Variants in NSG2 observed in about 807,000 individuals in gnomAD.
NSG2 encodes the protein neuronal vesicle trafficking-associated protein 2.
A neutral mutation model predicts 16.9 loss-of-function variants in NSG2; 4 were observed. That is an observed-to-expected ratio of 0.24 (90% CI 0.12 to 0.54). The LOEUF is 0.54. Among genes scored for constraint, NSG2 ranks in the 20% least tolerant of loss-of-function variants. The probability of loss-of-function intolerance (pLI) is 0.95; values close to 1 mark genes in which losing one functional copy is unlikely to be tolerated. For synonymous variants in NSG2, 98 were observed against 88.7 expected (o/e 1.11, Z -0.59); for missense variants, 179 against 221.1 (o/e 0.81, Z 1.21).
In NSG2 at chr5:174,072,648, T is replaced by C. The variant is rs530461204; in HGVS notation, c.213+8333T>C. 4.6e-5 allele frequency among the ~76,000 whole-genome samples: 7 copies of C among 152,334 alleles called. No homozygotes were observed. The highest frequency in any genetic ancestry group is 1.7e-4 in the African/African-American group (7 of 41,584). ...TACCCTTCTCTGTACCCTAAGAAGC[T>C]AGCCAGCACCTGGCCGGATGAAGCA... On this transcript the variant is annotated intron_variant, in intron 3 of 4. Transcript: ENST00000303177. The surrounding 1 kb of genome is among the most constrained non-coding windows in gnomAD (Gnocchi z 4.0).
At chr5:174,083,406 C>G (rs1760529206) in intron 3 of NSG2, among the ~76,000 whole-genome samples, 2 of 152,196 alleles carry the variant, frequency 1.3e-5, no homozygotes, top group African/African-American at 4.8e-5. Context: ...CCAGGAAAAT[C>G]AATTGTGTTT....
At chr5:174,092,630 A>G (rs1041458662) in intron 3 of NSG2, among the ~76,000 whole-genome samples, 1 of 152,236 alleles carries the variant, frequency 6.6e-6, no homozygotes, top group African/African-American at 2.4e-5. Flanking sequence ...AACAATGACA[A>G]CAAGAAGCAT....
chr5:174,080,810 G>A (rs1272888147), intron 3 of NSG2, among the ~76,000 whole-genome samples: 1 of 152,046 alleles, frequency 6.6e-6, no homozygotes, highest in South Asian at 2.1e-4. Flanking sequence ...TGATCCGCCC[G>A]CCTTGGTCTC....
intron 3 of NSG2, among the ~76,000 whole-genome samples, chr5:174,097,659 G>A (rs545328786): frequency 6.6e-6 from 1 of 150,846 alleles, no homozygotes; most frequent in Admixed American, 6.6e-5. Flanking sequence ...CTCAGTGAGT[G>A]TGTGTGTGAA....
intron 3 of NSG2, among the ~76,000 whole-genome samples, chr5:174,087,569 C>A (rs556907919): frequency 9.9e-4 from 151 of 151,892 alleles, no homozygotes; most frequent in African/African-American, 3.4e-3. Context: ...TACTTGAAGC[C>A]AAGAGTTTGA....
intron 2 of NSG2, among the ~76,000 whole-genome samples, chr5:174,062,854 C>G (rs1304386122): frequency 2.0e-5 from 3 of 152,174 alleles, no homozygotes; most frequent in East Asian, 3.8e-4. Context: ...AATTCTTGCT[C>G]TAGTTAATAC....
At chr5:174,059,653 C>T (rs554774031) in intron 2 of NSG2, among the ~76,000 whole-genome samples, 1 of 152,124 alleles carries the variant, frequency 6.6e-6, no homozygotes, top group Non-Finnish European at 1.5e-5. Context: ...AACTGTGGAT[C>T]CCAGAGTAGG....
chr5:174,098,454 G>A (rs932144716), intron 3 of NSG2, among the ~76,000 whole-genome samples: 3 of 151,924 alleles, frequency 2.0e-5, no homozygotes, highest in Non-Finnish European at 2.9e-5. Context: ...TGTCCCCTTC[G>A]TCACAGCCAG....
chr5:174,057,469 C>T (rs988147428), intron 2 of NSG2, among the ~76,000 whole-genome samples: 3 of 149,386 alleles, frequency 2.0e-5, no homozygotes, highest in Admixed American at 6.6e-5. Flanking sequence ...GTTTCTGGCT[C>T]TACTCCACAG....
chr5:174,107,932 C>T lies in NSG2; in HGVS notation c.*427C>T, dbSNP rs6870183. ...TCTGTGGGCTTCTTAGATAAGAAAA[C>T]GTAGCTTCAGTGGGGGCTCCAGGGT... is the stretch of plus-strand genomic sequence containing the variant. On this transcript the variant is annotated 3_prime_UTR_variant, in exon 5 of 5. Coordinates refer to ENST00000303177, the MANE Select transcript of NSG2 (RefSeq NM_015980.5). The surrounding 1 kb of genome is among the most constrained non-coding windows in gnomAD (Gnocchi z 4.5). The T allele has an allele frequency of 9.3e-3, 3,395 of 366,484 alleles. 92 individuals carry two copies. Among genetic ancestry groups the T allele is most frequent in the African/African-American group, 0.058 (2,722 of 46,942 alleles). The allele number at this position is 366,484 out of a possible 1,614,324, so 22.7% of individuals were successfully genotyped here. A position where few individuals can be genotyped will look rare whatever the true frequency, so the allele number is the denominator to read the frequency against.
chr5:174,061,663 G>T (rs1213642587), intron 2 of NSG2, among the ~76,000 whole-genome samples: 1 of 152,086 alleles, frequency 6.6e-6, no homozygotes, highest in African/African-American at 2.4e-5. Context: ...GAGTGCAGTG[G>T]CACAATCTTG....
At chr5:174,091,655 G>A (rs1760723729) in intron 3 of NSG2, among the ~76,000 whole-genome samples, 1 of 150,850 alleles carries the variant, frequency 6.6e-6, no homozygotes, top group Admixed American at 6.6e-5. Flanking sequence ...GTGTGTGTGT[G>A]TGTGTGTGTG....
intron 3 of NSG2, among the ~76,000 whole-genome samples, chr5:174,079,091 A>C (rs1270922041): frequency 6.6e-6 from 1 of 152,016 alleles, no homozygotes; most frequent in Non-Finnish European, 1.5e-5. Context: ...TTACCTTCCA[A>C]ATATGTTCCA....
intron 3 of NSG2, among the ~76,000 whole-genome samples, chr5:174,094,551 T>C (rs1760765812): frequency 6.6e-6 from 1 of 152,230 alleles, no homozygotes; most frequent in African/African-American, 2.4e-5. Flanking sequence ...CCTGTCACGA[T>C]GTGGCCATAG....
intron 2 of NSG2, among the ~76,000 whole-genome samples, chr5:174,055,768 T>A (rs1759959157): frequency 6.6e-6 from 1 of 152,190 alleles, no homozygotes; most frequent in Admixed American, 6.5e-5. Flanking sequence ...AGAGTTGGCA[T>A]TCATACTAGA....
chr5:174,087,242 C>A (rs371542127), intron 3 of NSG2, among the ~76,000 whole-genome samples: 1 of 152,044 alleles, frequency 6.6e-6, no homozygotes, highest in East Asian at 1.9e-4. Flanking sequence ...TTTTGGTTTG[C>A]GGATGGAGAG....
At chr5:174,091,877 T>G (rs1377152619) in intron 3 of NSG2, among the ~76,000 whole-genome samples, 1 of 152,196 alleles carries the variant, frequency 6.6e-6, no homozygotes, top group Non-Finnish European at 1.5e-5. Context: ...AGCCTCAGTT[T>G]TGCCATCTGA....
intron 1 of NSG2, among the ~76,000 whole-genome samples, chr5:174,046,357 G>T (rs867886968): frequency 4.6e-5 from 7 of 152,018 alleles, no homozygotes; most frequent in East Asian, 1.9e-4. Context: ...CTGCAGGCGG[G>T]GGGGGTGGTA....
intron 3 of NSG2, among the ~76,000 whole-genome samples, chr5:174,070,873 T>TTCCCAGC (rs1169172673): frequency 6.6e-6 from 1 of 152,172 alleles, no homozygotes; most frequent in Non-Finnish European, 1.5e-5. Context: ...GTGTTCCCAG[T>TTCCCAGC]TCCCAGCACT....
Sources: allele counts gnomAD v4.1 joint callset (sites outside exome capture counted in the v4.1 genomes callset), GRCh38; gene constraint gnomAD v4.1.1; non-coding constraint Gnocchi (gnomAD v3.1); transcripts MANE v1.5; gene names NCBI Gene and HGNC (gene_info 2026-07-23, HGNC 2026-07-21).